The following DENND2C variants were observed in gnomAD, a reference collection of about 807,000 sequenced individuals.
DENND2C encodes the protein DENN domain containing 2C.
A neutral mutation model predicts 112.4 loss-of-function variants in DENND2C; 72 were observed. That is an observed-to-expected ratio of 0.64 (90% confidence interval 0.53 to 0.78). DENND2C has a LOEUF of 0.78. DENND2C is among the 30% of genes least tolerant of loss of function. The pLI is 0.00. For missense variants in DENND2C, 992 were observed against 1,113.8 expected (o/e 0.89, Z 1.56); for synonymous variants, 329 against 381.6 (o/e 0.86, Z 1.61).
At chr1:114,611,974 A>G (rs1655832823) in intron 8 of DENND2C, among the ~76,000 whole-genome samples, 1 of 152,224 alleles carries the variant, frequency 6.6e-6, no homozygotes. Flanking sequence ...AAACTCAAAA[A>G]GTGAACAATA....
intron 2 of DENND2C, among the ~76,000 whole-genome samples, chr1:114,648,719 T>A (rs945326837): frequency 3.3e-5 from 5 of 152,230 alleles, no homozygotes; most frequent in African/African-American, 1.2e-4. Flanking sequence ...ACACAGGGAC[T>A]GGTATCTGAC....
intron 1 of DENND2C, among the ~76,000 whole-genome samples, chr1:114,660,335 C>G (rs1415122221): frequency 6.6e-6 from 1 of 152,202 alleles, no homozygotes; most frequent in Non-Finnish European, 1.5e-5. Flanking sequence ...AAACACCATT[C>G]TTAGCCCTTA....
Position 114,594,069 on chromosome 1 carries a change from T to TGAGA in DENND2C, c.2431+403_2431+404insTCTC, listed in dbSNP as rs1655271516. ...AATAAAGCCACTGTTCTCACGGAAC[T>TGAGA]TATGCTGTAGAATATGAGATAGTGC... On this transcript the variant is annotated intron_variant, in intron 18 of 20. Transcript: ENST00000393274. Among the ~76,000 whole-genome samples, 3 of 152,292 alleles carry TGAGA rather than the reference T, an allele frequency of 2.0e-5. No homozygotes were observed. In the South Asian group the frequency reaches 6.2e-4, roughly 32 times the overall value.
intron 9 of DENND2C, among the ~76,000 whole-genome samples, chr1:114,609,861 T>A (rs1655764057): frequency 6.6e-6 from 1 of 152,206 alleles, no homozygotes; most frequent in Admixed American, 6.5e-5. Context: ...AGTGCTCTAG[T>A]CAAAGCTTTA....
chr1:114,635,809 C>T (rs978045633), intron 3 of DENND2C, among the ~76,000 whole-genome samples: 14 of 151,988 alleles, frequency 9.2e-5, no homozygotes, highest in African/African-American at 3.4e-4. Flanking sequence ...GAGTTCGAGA[C>T]CAGCCTAGGG....
chr1:114,597,243 A>T (rs1655365465), intron 16 of DENND2C, among the ~76,000 whole-genome samples: 1 of 151,970 alleles, frequency 6.6e-6, no homozygotes, highest in South Asian at 2.1e-4. Context: ...CAGGAGTTCA[A>T]GACCAGCCTG....
At chr1:114,638,620 G>A (rs763290911) in intron 3 of DENND2C, among the ~76,000 whole-genome samples, 12 of 151,528 alleles carry the variant, frequency 7.9e-5, no homozygotes, top group Non-Finnish European at 1.8e-4. Flanking sequence ...AAAATTAGGC[G>A]GGCATGGCGT....
At chr1:114,598,164 G>T (rs1029926280) in intron 16 of DENND2C, among the ~76,000 whole-genome samples, 9 of 152,114 alleles carry the variant, frequency 5.9e-5, no homozygotes, top group African/African-American at 1.9e-4. Context: ...TATGCACTGA[G>T]GGTCATGTAT....
At chr1:114,657,059 A>C (rs968378824) in intron 1 of DENND2C, among the ~76,000 whole-genome samples, 1 of 152,218 alleles carries the variant, frequency 6.6e-6, no homozygotes, top group African/African-American at 2.4e-5. Context: ...CCAAGTAGGC[A>C]TATGTTTAAC....
At chr1:114,595,767 C>A in intron 17 of DENND2C, 65 bp downstream of exon 17, 1 of 1,408,672 alleles carries the variant, frequency 7.1e-7, no homozygotes, top group South Asian at 1.2e-5. Flanking sequence ...CACATATTGT[C>A]TGTCCAATTA....
chr1:114,600,753 A>G (rs1195106418), intron 14 of DENND2C, 67 bp downstream of exon 14: 21 of 1,551,648 alleles, frequency 1.4e-5, no homozygotes, highest in Middle Eastern at 1.7e-4. Context: ...TGGGCTCTGG[A>G]AACTGCCTAC....
chr1:114,592,978 ACTC>A (rs1312956576), intron 18 of DENND2C, among the ~76,000 whole-genome samples: 1 of 151,510 alleles, frequency 6.6e-6, no homozygotes, highest in Non-Finnish European at 1.5e-5. Flanking sequence ...GCAATGTCAC[ACTC>A]CTGTTTGTTT....
chr1:114,634,201 A>T (rs1039942990), intron 3 of DENND2C, among the ~76,000 whole-genome samples: 1 of 152,262 alleles, frequency 6.6e-6, no homozygotes, highest in African/African-American at 2.4e-5. Flanking sequence ...ACTTTTCAAC[A>T]GTAGTTGATA....
chr1:114,652,716 C>T (rs1657205967), intron 2 of DENND2C, among the ~76,000 whole-genome samples: 1 of 136,568 alleles, frequency 7.3e-6, no homozygotes, highest in South Asian at 2.3e-4. Flanking sequence ...CATTGCCCAA[C>T]CTGAAGTGTA....
chr1:114,632,497 A>G (rs928219254), intron 3 of DENND2C, among the ~76,000 whole-genome samples: 9 of 152,184 alleles, frequency 5.9e-5, no homozygotes, highest in Non-Finnish European at 8.8e-5. Flanking sequence ...AACAACTGCA[A>G]ATCTAGAATT....
intron 3 of DENND2C, among the ~76,000 whole-genome samples, chr1:114,643,529 T>C (rs1227385496): frequency 1.3e-5 from 2 of 152,208 alleles, no homozygotes; most frequent in African/African-American, 2.4e-5. Context: ...TGACTGTTCC[T>C]TGAATAACAA....
chr1:114,638,063 A>G (rs1175574911), intron 3 of DENND2C, among the ~76,000 whole-genome samples: 1 of 152,228 alleles, frequency 6.6e-6, no homozygotes, highest in Non-Finnish European at 1.5e-5. Context: ...AAACTAAGTA[A>G]TCACAACAAT....
At chr1:114,648,612 G>A (rs376343322) in intron 2 of DENND2C, among the ~76,000 whole-genome samples, 1 of 152,094 alleles carries the variant, frequency 6.6e-6, no homozygotes, top group Non-Finnish European at 1.5e-5. Context: ...AGGGAAAGAG[G>A]GATATACCTC....
chr1:114,660,825 A>G (rs2101698256), intron 1 of DENND2C, among the ~76,000 whole-genome samples: 1 of 152,242 alleles, frequency 6.6e-6, no homozygotes, highest in Admixed American at 6.5e-5. Flanking sequence ...AACAACAAGA[A>G]AATCCTGCCG....
Sources: gnomAD v4.1 joint callset for allele counts (sites outside exome capture counted in the v4.1 genomes callset) on GRCh38, gnomAD v4.1.1 for gene constraint, MANE v1.5 for transcripts, NCBI Gene and HGNC (gene_info 2026-07-23, HGNC 2026-07-21) for gene names.